SLC15A5: variants seen among roughly 807,000 people sequenced by gnomAD.
SLC15A5 encodes solute carrier family 15 member 5.
A neutral mutation model predicts 56.1 loss-of-function variants in SLC15A5; 58 were observed. The observed-to-expected ratio is 1.03, with a 90% CI of 0.84 to 1.29. The LOEUF (loss-of-function observed/expected upper bound fraction) is 1.29. SLC15A5 is among the 50% of genes most tolerant of loss of function. The pLI is 0.00. For missense variants in SLC15A5, 681 were observed against 672.1 expected, an observed-to-expected ratio of 1.01 and a Z score of -0.15; for synonymous variants, 264 against 250.5, an observed-to-expected ratio of 1.05 and a Z score of -0.51.
intron 7 of SLC15A5, among the ~76,000 whole-genome samples, chr12:16,199,304 CAAAAAAAAAA>C (rs10687463): frequency 1.1e-5 from 1 of 91,336 alleles, no homozygotes; most frequent in Middle Eastern, 6.8e-3. Flanking sequence ...TAGACTGTCT[CAAAAAAAAAA>C]AAAAAAAAAA....
intron 2 of SLC15A5, among the ~76,000 whole-genome samples, chr12:16,270,174 C>T (rs528509400): frequency 5.3e-5 from 8 of 152,236 alleles, no homozygotes; most frequent in South Asian, 2.1e-4. Flanking sequence ...CAGCTTTACT[C>T]GGAAGTGGTG....
chr12:16,216,038 G>A (rs564989598), intron 7 of SLC15A5, among the ~76,000 whole-genome samples: 1 of 151,818 alleles, frequency 6.6e-6, no homozygotes, highest in African/African-American at 2.4e-5. Flanking sequence ...TTTGAAAGCA[G>A]GTAAATTAAA....
intron 3 of SLC15A5, among the ~76,000 whole-genome samples, chr12:16,245,944 C>T (rs1864456854): frequency 6.6e-6 from 1 of 152,082 alleles, no homozygotes; most frequent in South Asian, 2.1e-4. Flanking sequence ...TTGATTTGAT[C>T]TGGTCTTTTC....
chr12:16,218,224 CA>C (rs945137131), intron 6 of SLC15A5, among the ~76,000 whole-genome samples: 2 of 151,618 alleles, frequency 1.3e-5, no homozygotes, highest in African/African-American at 4.9e-5. Flanking sequence ...ATATGTGTGC[CA>C]AAAAAATTGT....
At chr12:16,200,096 A>G (rs1863938729) in intron 7 of SLC15A5, among the ~76,000 whole-genome samples, 2 of 152,026 alleles carry the variant, frequency 1.3e-5, no homozygotes, top group Non-Finnish European at 2.9e-5. Flanking sequence ...AAAAGGGTCA[A>G]TATGGGTAAG....
intron 7 of SLC15A5, among the ~76,000 whole-genome samples, chr12:16,213,018 T>C (rs1309856265): frequency 6.6e-6 from 1 of 152,018 alleles, no homozygotes; most frequent in East Asian, 1.9e-4. Context: ...AAAATCTCTG[T>C]TGGCATTCAG....
intron 3 of SLC15A5, among the ~76,000 whole-genome samples, chr12:16,247,135 C>G (rs1422000966): frequency 6.6e-6 from 1 of 152,114 alleles, no homozygotes; most frequent in African/African-American, 2.4e-5. Context: ...AGTTCAGAGA[C>G]CAGCACTGCT....
rs1299179262 is a variant in SLC15A5 at position 16,267,223 on chromosome 12, T to C, written c.584+5338A>G. 3.3e-5 allele frequency among the ~76,000 whole-genome samples: 4 copies of C among 120,048 alleles called. 2 individuals carry two copies. The highest frequency in any genetic ancestry group is 1.3e-4 in the African/African-American group (4 of 31,314). The allele number at this position is 120,048 out of a possible 152,430, so 78.8% of individuals were successfully genotyped here. A position where few individuals can be genotyped will look rare whatever the true frequency, so the allele number is the denominator to read the frequency against. ...ATTTAAATATTCCAGAGAAAGTATT[T>C]TATTCGACATTGATCAATGTTCAGA... On this transcript the variant is annotated intron_variant, in intron 2 of 8. Coordinates refer to ENST00000344941, the MANE Select transcript of SLC15A5 (RefSeq NM_001170798.1).
At chr12:16,240,657 T>A (rs1864405400) in intron 4 of SLC15A5, among the ~76,000 whole-genome samples, 1 of 152,160 alleles carries the variant, frequency 6.6e-6, no homozygotes, top group Non-Finnish European at 1.5e-5. Context: ...TAACTAAAAC[T>A]CTAACACTGA....
intron 2 of SLC15A5, among the ~76,000 whole-genome samples, chr12:16,263,639 C>T (rs1864664276): frequency 6.6e-6 from 1 of 152,166 alleles, no homozygotes; most frequent in African/African-American, 2.4e-5. Context: ...CCATCACAGG[C>T]CCAGAGTTCT....
chr12:16,221,732 G>A (rs1187664621), intron 6 of SLC15A5, among the ~76,000 whole-genome samples: 1 of 152,198 alleles, frequency 6.6e-6, no homozygotes, highest in African/African-American at 2.4e-5. Context: ...AGGAAGCAGG[G>A]AGAAAAGTTC....
chr12:16,239,090 C>G (rs934522738), intron 5 of SLC15A5, among the ~76,000 whole-genome samples: 36 of 152,278 alleles, frequency 2.4e-4, no homozygotes, highest in African/African-American at 8.2e-4. Flanking sequence ...TACTGTACCC[C>G]CACTGTTCTC....
At chr12:16,272,426 T>A in intron 2 of SLC15A5, 135 bp downstream of exon 2, 1 of 819,516 alleles carries the variant, frequency 1.2e-6, no homozygotes, top group Non-Finnish European at 1.9e-6. Flanking sequence ...GACTGAATCA[T>A]CATCACAGAT....
intron 7 of SLC15A5, among the ~76,000 whole-genome samples, chr12:16,211,402 A>G (rs571755780): frequency 1.3e-5 from 2 of 152,336 alleles, no homozygotes; most frequent in East Asian, 3.9e-4. Flanking sequence ...GAAATTAAAC[A>G]GCTACATTCT....
chr12:16,240,542 A>T (rs1185511251), intron 4 of SLC15A5, among the ~76,000 whole-genome samples: 1 of 152,186 alleles, frequency 6.6e-6, no homozygotes, highest in Non-Finnish European at 1.5e-5. Flanking sequence ...AAAGGTTTGC[A>T]TGATAAAGTG....
chr12:16,193,998 T>G (rs144092903), intron 8 of SLC15A5, among the ~76,000 whole-genome samples: 9 of 152,146 alleles, frequency 5.9e-5, no homozygotes, highest in Admixed American at 2.6e-4. Context: ...TCAAGCATCA[T>G]TAGATTTCTA....
intron 7 of SLC15A5, among the ~76,000 whole-genome samples, chr12:16,214,195 T>C (rs1046428341): frequency 1.3e-5 from 2 of 152,254 alleles, no homozygotes; most frequent in African/African-American, 2.4e-5. Context: ...CCTACTATAC[T>C]ATATAGATTC....
At chr12:16,276,935 A>G (rs544473676) in intron 1 of SLC15A5, among the ~76,000 whole-genome samples, 2 of 152,098 alleles carry the variant, frequency 1.3e-5, no homozygotes, top group East Asian at 1.9e-4. Context: ...ATGAACTTCA[A>G]AAACCTTTTT....
At position 16,207,128 on chromosome 12, in the gene SLC15A5, G is replaced by C. The variant is rs536705131; in HGVS notation, c.1483+9765C>G. On this transcript the variant is annotated intron_variant, in intron 7 of 8. Coordinates refer to ENST00000344941, the MANE Select transcript of SLC15A5 (RefSeq NM_001170798.1). ...TTTGAGTGTCAAATATTTCTATAAG[G>C]TTCTTCTTATTAATTAAACATCAGA... is the stretch of plus-strand genomic sequence containing the variant. 2.6e-5 allele frequency among the ~76,000 whole-genome samples: 4 copies of C among 152,204 alleles called. No individual in the cohort carries two copies. In the East Asian group the frequency reaches 7.7e-4, roughly 29 times the overall value.
Sources: allele counts gnomAD v4.1 joint callset (sites outside exome capture counted in the v4.1 genomes callset), GRCh38; gene constraint gnomAD v4.1.1; transcripts MANE v1.5; gene names NCBI Gene and HGNC (gene_info 2026-07-23, HGNC 2026-07-21).